The following ITGA2 variants were observed in gnomAD, a reference collection of about 807,000 sequenced individuals.
ITGA2 encodes integrin alpha-2.
Under a neutral mutation model 146.3 loss-of-function variants are expected in ITGA2, and 101 were observed. The ratio of observed to expected loss-of-function variants is 0.69; its 90% CI spans 0.59 to 0.81. The LOEUF (loss-of-function observed/expected upper bound fraction) is 0.81, where lower values mean the gene tolerates loss of function less well. Ranked by LOEUF, ITGA2 falls within the 40% of genes least tolerant of loss-of-function variation. The probability of loss-of-function intolerance (pLI) is 0.00; values close to 1 mark genes in which losing one functional copy is unlikely to be tolerated. For synonymous variants in ITGA2, 477 were observed against 487.1 expected, an observed-to-expected ratio of 0.98 and a Z score of 0.27; for missense variants, 1,281 against 1,402.7, an observed-to-expected ratio of 0.91 and a Z score of 1.39.
At position 53,004,743 on chromosome 5, in the gene ITGA2, AGCAGTTGTAAGG is replaced by A. The variant is rs543305531; in HGVS notation, c.64+15213_64+15224del. 1.1e-3 allele frequency among the ~76,000 whole-genome samples: 175 copies of A among 152,270 alleles called. 1 individual carries two copies. The South Asian group carries it at 0.027, about 23-fold the overall frequency. ...AAATGTTATGCCACTGCATTCCAAA[AGCAGTTGTAAGG>A]GTCCTTTTGTGCTTTTGGTTTTTGC... On this transcript the variant is annotated intron_variant, in intron 1 of 29. Coordinates refer to ENST00000296585, the MANE Select transcript of ITGA2 (RefSeq NM_002203.4).
At position 53,078,883 on chromosome 5, in the gene ITGA2, G is replaced by A; in HGVS notation, c.2928+9G>A. 6.6e-7 allele frequency: 1 copy of A among 1,518,606 alleles called. No individual in the cohort carries two copies. Among genetic ancestry groups the A allele is most frequent in the Non-Finnish European group, 9.1e-7 (1 of 1,093,852 alleles). The allele number at this position is 1,518,606 out of a possible 1,614,324, so 94.1% of individuals were successfully genotyped here. Reference sequence around the variant, plus strand: ...TCATCTTCTCCCTGAAGGTTGGTAAGCCTGTCATAAGGATGGCAAATCCAG... The same window carrying A: ...TCATCTTCTCCCTGAAGGTTGGTAAACCTGTCATAAGGATGGCAAATCCAG... On this transcript the variant is annotated intron_variant, in intron 24 of 29. Transcript: ENST00000296585.
In ITGA2 at chr5:53,073,215, G is replaced by A; in HGVS notation, c.2527G>A (p.Val843Ile). The A allele has an allele frequency of 6.2e-7, 1 of 1,612,558 alleles. No individual in the cohort carries two copies. The highest frequency in any genetic ancestry group is 8.5e-7 in the Non-Finnish European group (1 of 1,178,956). Residue 843 changes from valine to isoleucine, a missense_variant, in exon 20 of 30, where the codon GTT becomes ATT. This residue lies in a region of ITGA2 where 475 missense variants were observed against 530.5 expected (regional missense o/e 0.90). Transcript: ENST00000296585. ...AAGTGCATACAACACTGGAATTGTT[G>A]TTGATTTTTCAGAAAACTTGTTTTT... The part of the protein sequence containing the change: ...RESAYNTGIV[V>I]DFSENLFFAS...
intron 2 of ITGA2, among the ~76,000 whole-genome samples, chr5:53,035,926 T>C (rs1743469624): frequency 1.3e-5 from 2 of 152,168 alleles, no homozygotes; most frequent in Non-Finnish European, 2.9e-5. Flanking sequence ...CACAGTGAAC[T>C]CTTGAGCTCC....
chr5:53,080,570 T>C lies in ITGA2; in HGVS notation c.2988T>C (p.Tyr996=). 2.5e-6 allele frequency: 4 copies of C among 1,613,646 alleles called. No individual in the cohort carries two copies. Among genetic ancestry groups the C allele is most frequent in the African/African-American group, 1.3e-5 (1 of 74,980 alleles). Residue 996 remains tyrosine (Y), a synonymous_variant, in exon 25 of 30, where the codon TAT becomes TAC. Coordinates refer to ENST00000296585, the MANE Select transcript of ITGA2 (RefSeq NM_002203.4). The part of the protein sequence containing the change: ...MATVIIHIPQ[Y]TKEKNPLMYL... ...CTGTAATCATCCACATCCCTCAGTA[T>C]ACCAAAGAAAAGAACCCACTGATGT...
chr5:53,086,920 G>A (rs1321949081), intron 27 of ITGA2, 32 bp from the exon 28 acceptor site: 8 of 1,540,054 alleles, frequency 5.2e-6, no homozygotes, highest in African/African-American at 4.1e-5. Flanking sequence ...CTGCTGCTAC[G>A]ATAAAACATA....
At chr5:53,060,815 A>G in intron 11 of ITGA2, 86 bp from the exon 12 acceptor site, 1 of 1,268,434 alleles carries the variant, frequency 7.9e-7, no homozygotes, top group Admixed American at 1.7e-5. Context: ...ACACAAAAGG[A>G]TCTCTGGTCA....
chr5:53,014,126 C>T (rs1202779221), intron 1 of ITGA2, among the ~76,000 whole-genome samples: 1 of 152,068 alleles, frequency 6.6e-6, no homozygotes, highest in Non-Finnish European at 1.5e-5. Context: ...GCTGTGACTA[C>T]CAGTAATATG....
rs1401879952 is a variant in ITGA2, at chr5:53,074,444, T to C, written c.2631T>C (p.Asp877=). The change falls in exon 21 of 30, where the codon GAT becomes GAC. Residue 877 remains aspartate (D), a synonymous_variant. Coordinates refer to ENST00000296585, the MANE Select transcript of ITGA2 (RefSeq NM_002203.4). ...CATCTCAGAAGTCTGTTGCCTGCGA[T>C]GTAGGCTACCCTGCTTTAAAGAGAG... ...VAASQKSVAC[D]VGYPALKREQ... 2.5e-6 allele frequency: 4 copies of C among 1,612,234 alleles called. No individual in the cohort carries two copies. The highest frequency in any genetic ancestry group is 1.3e-5 in the African/African-American group (1 of 74,808).
intron 13 of ITGA2, 42 bp downstream of exon 13, chr5:53,062,971 T>C: frequency 6.6e-7 from 1 of 1,518,968 alleles, no homozygotes; most frequent in Non-Finnish European, 9.0e-7. Flanking sequence ...TTTGCTTTAG[T>C]ACTGGTAATT....
At chr5:53,079,629 C>T (rs569423291) in intron 24 of ITGA2, among the ~76,000 whole-genome samples, 1 of 152,128 alleles carries the variant, frequency 6.6e-6, no homozygotes, top group Admixed American at 6.5e-5. Flanking sequence ...ATGGTTGCAA[C>T]TCTGCAATTT....
chr5:53,022,387 G>A (rs757344155), intron 1 of ITGA2, among the ~76,000 whole-genome samples: 14 of 152,124 alleles, frequency 9.2e-5, no homozygotes, highest in Admixed American at 9.2e-4. Flanking sequence ...TAGAACAAAA[G>A]TAGGTTAACT....
intron 2 of ITGA2, among the ~76,000 whole-genome samples, chr5:53,028,837 A>C (rs1743080208): frequency 6.6e-6 from 1 of 152,126 alleles, no homozygotes; most frequent in South Asian, 2.1e-4. Flanking sequence ...GCCGTTCCTC[A>C]CTGTCTCTCC....
chr5:53,066,997 C>T (rs551660783), intron 15 of ITGA2, 121 bp from the exon 16 acceptor site: 19 of 985,384 alleles, frequency 1.9e-5, no homozygotes, highest in African/African-American at 1.6e-4. Flanking sequence ...TGCTAAAGTG[C>T]TTTGATAGAG....
intron 29 of ITGA2, 65 bp from the exon 30 acceptor site, chr5:53,090,454 G>A: frequency 7.2e-7 from 1 of 1,392,940 alleles, no homozygotes; most frequent in East Asian, 2.3e-5. Context: ...GGCAGCCAAG[G>A]GGGTCAGAGG....
intron 1 of ITGA2, among the ~76,000 whole-genome samples, chr5:53,015,212 A>G (rs536709608): frequency 6.6e-6 from 1 of 152,204 alleles, no homozygotes; most frequent in South Asian, 2.1e-4. Context: ...AGATCTTTCT[A>G]ACTTTTTCAT....
rs540640768 is a variant in ITGA2, at chr5:53,094,309, C to A, written c.*3710C>A. The A allele has an allele frequency of 6.6e-6, 1 of 152,188 alleles. No homozygotes were observed. The highest frequency in any genetic ancestry group is 2.1e-4 in the South Asian group (1 of 4,816). 9.4% of individuals were successfully genotyped at this position (152,188 alleles called of 1,614,324 possible). On this transcript the variant is annotated 3_prime_UTR_variant, in exon 30 of 30. Coordinates refer to ENST00000296585, the MANE Select transcript of ITGA2 (RefSeq NM_002203.4). Reference sequence around the variant, plus strand: ...GGAAAAGTATGAAATAGGTGAAAATCTTAACTATTTCTTTGAACTCTAAAG... The same window carrying A: ...GGAAAAGTATGAAATAGGTGAAAATATTAACTATTTCTTTGAACTCTAAAG...
At chr5:53,067,310 A>T in intron 16 of ITGA2, 53 bp downstream of exon 16, 1 of 1,597,728 alleles carries the variant, frequency 6.3e-7, no homozygotes, top group Non-Finnish European at 8.6e-7. Context: ...ACAGAGTTTT[A>T]GTCCTGAATA....
chr5:52,993,571 A>C (rs1239795936), intron 1 of ITGA2, among the ~76,000 whole-genome samples: 1 of 152,178 alleles, frequency 6.6e-6, no homozygotes, highest in Admixed American at 6.5e-5. Flanking sequence ...TGTGTCAGTT[A>C]AATTCCTTCC....
intron 27 of ITGA2, among the ~76,000 whole-genome samples, chr5:53,084,685 C>T (rs1389730902): frequency 6.6e-6 from 1 of 152,136 alleles, no homozygotes; most frequent in East Asian, 1.9e-4. Context: ...TTGTTATCAC[C>T]TTCCCAGCTG....
Sources: gnomAD v4.1 joint callset for allele counts (sites outside exome capture counted in the v4.1 genomes callset) on GRCh38, gnomAD v4.1.1 for gene constraint, gnomAD v4.1.1 regional missense constraint, MANE v1.5 for transcripts, NCBI Gene and HGNC (gene_info 2026-07-23, HGNC 2026-07-21) for gene names.